The following PTBP2 variants were observed in gnomAD, a reference collection of about 807,000 sequenced individuals.
PTBP2 encodes polypyrimidine tract binding protein 2.
Under a neutral mutation model 61.4 loss-of-function variants are expected in PTBP2, and 13 were observed. The observed-to-expected ratio is 0.21, with a 90% CI of 0.14 to 0.34. The LOEUF (loss-of-function observed/expected upper bound fraction) is 0.34, where lower values mean the gene tolerates loss of function less well. PTBP2 is among the 10% of genes least tolerant of loss of function. The pLI, the probability that PTBP2 is intolerant of heterozygous loss-of-function variation, is 1.00. For missense variants in PTBP2, 405 were observed against 642.6 expected, an observed-to-expected ratio of 0.63 and a Z score of 4.00; for synonymous variants, 215 against 218.5, an observed-to-expected ratio of 0.98 and a Z score of 0.14.
Position 96,777,596 on chromosome 1 carries a change from A to T in PTBP2, c.444A>T (p.Ala148=). ...ATCTTAATTTCCAGCGTGCTCAGGCAGTTCTTCAAGCTGTGACAGCTGTCC... is the reference window on the plus strand; with the variant it reads ...ATCTTAATTTCCAGCGTGCTCAGGCTGTTCTTCAAGCTGTGACAGCTGTCC... ...TDNTLNQRAQ[A]VLQAVTAVQT... Residue 148 remains alanine (A), a synonymous_variant, in exon 6 of 14, where the codon GCA becomes GCT. Coordinates refer to ENST00000674951, the MANE Select transcript of PTBP2 (RefSeq NM_021190.4). 6.2e-7 allele frequency: 1 copy of T among 1,607,266 alleles called. No individual in the cohort carries two copies. Among genetic ancestry groups the T allele is most frequent in the African/African-American group, 1.3e-5 (1 of 74,648 alleles).
chr1:96,820,512 A>G lies in PTBP2; in HGVS notation c.*7107A>G, dbSNP rs555082427. On this transcript the variant is annotated 3_prime_UTR_variant, in exon 14 of 14. Coordinates refer to the PTBP2 transcript ENST00000609116. The stretch of plus-strand genomic sequence containing the variant: ...CAACTGAACCAGCTGTGTAAGAAAT[A>G]TATATATGGTGTGCACACATGTACA... 2.6e-5 allele frequency: 4 copies of G among 151,404 alleles called. No homozygotes were observed. In the East Asian group the frequency reaches 7.7e-4, roughly 29 times the overall value. 9.4% of individuals were successfully genotyped at this position (151,404 alleles called of 1,614,324 possible).
chr1:96,784,240 G>A (rs17115733), intron 7 of PTBP2, among the ~76,000 whole-genome samples: 12,094 of 151,996 alleles, frequency 0.08, 612 homozygotes, highest in East Asian at 0.17. Flanking sequence ...CGGTAACATA[G>A]TCCTTTATAA....
intron 2 of PTBP2, among the ~76,000 whole-genome samples, chr1:96,737,416 C>T (rs553034421): frequency 4.0e-5 from 6 of 151,520 alleles, no homozygotes; most frequent in South Asian, 2.1e-4. Flanking sequence ...AGAGATAGAA[C>T]GCAAATAATT....
intron 2 of PTBP2, among the ~76,000 whole-genome samples, chr1:96,735,201 A>G (rs1176771298): frequency 3.9e-5 from 6 of 152,142 alleles, no homozygotes. Context: ...TATAGGCATG[A>G]GCCACTGTGC....
intron 2 of PTBP2, among the ~76,000 whole-genome samples, chr1:96,743,842 A>G (rs767291657): frequency 4.6e-5 from 7 of 152,156 alleles, no homozygotes; most frequent in Non-Finnish European, 5.9e-5. Flanking sequence ...AAAGAGAACA[A>G]TGCTAAGCAG....
intron 7 of PTBP2, among the ~76,000 whole-genome samples, chr1:96,783,154 A>G (rs560127423): frequency 6.6e-6 from 1 of 152,046 alleles, no homozygotes; most frequent in South Asian, 2.1e-4. Context: ...GTGAGCTTGC[A>G]TATATTTTTT....
chr1:96,819,010 A>G (rs1297392036), downstream of PTBP2: 1 of 152,044 alleles, frequency 6.6e-6, no homozygotes, highest in Non-Finnish European at 1.5e-5. Flanking sequence ...GATAGCTTAT[A>G]ATAGAAATCA....
intron 10 of PTBP2, 41 bp from the exon 11 acceptor site, chr1:96,806,825 T>C: frequency 2.0e-6 from 3 of 1,475,822 alleles, no homozygotes; most frequent in Non-Finnish European, 2.8e-6. Flanking sequence ...CACATAAAAT[T>C]AATTCCATTT....
Position 96,813,508 on chromosome 1 carries a change from G to C in PTBP2, c.*103G>C, listed in dbSNP as rs750755238. ...CCAGAGTTTGATTTTTTTTGTTTTT[G>C]TTTTTTTGGGGTTTCTTTTTTTTTT... is the stretch of plus-strand genomic sequence containing the variant. On this transcript the variant is annotated 3_prime_UTR_variant, in exon 14 of 14. Transcript: ENST00000674951. The C allele has an allele frequency of 1.4e-5, 16 of 1,169,768 alleles. No homozygotes were observed. Among genetic ancestry groups the C allele is most frequent in the Non-Finnish European group, 1.8e-5 (16 of 878,610 alleles). The allele number at this position is 1,169,768 out of a possible 1,614,324, so 72.5% of individuals were successfully genotyped here.
chr1:96,789,901 TACA>T (rs1659603238), intron 8 of PTBP2, among the ~76,000 whole-genome samples: 1 of 152,152 alleles, frequency 6.6e-6, no homozygotes, highest in Admixed American at 6.5e-5. Context: ...ATATGATTAT[TACA>T]CTTACCAGAA....
At chr1:96,762,739 A>G (rs1570841523) in intron 3 of PTBP2, among the ~76,000 whole-genome samples, 1 of 150,102 alleles carries the variant, frequency 6.7e-6, no homozygotes, top group African/African-American at 2.5e-5. Flanking sequence ...CCTCCCTCCC[A>G]GACGGGGTGA....
At chr1:96,818,739 T>A (rs771054459), downstream of PTBP2, 7 of 152,124 alleles carry the variant, frequency 4.6e-5, no homozygotes, top group Non-Finnish European at 8.8e-5. Flanking sequence ...ATTTCATTAG[T>A]AATTTTAAGT....
Position 96,751,509 on chromosome 1 carries a change from T to TA in PTBP2, c.115+10dup, listed in dbSNP as rs780620836. The TA allele has an allele frequency of 1.3e-5, 21 of 1,602,910 alleles. No individual in the cohort carries two copies. The highest frequency in any genetic ancestry group is 5.4e-5 in the African/African-American group (4 of 74,646). On this transcript the variant is annotated intron_variant, in intron 3 of 13. Transcript: ENST00000674951. ...CAGCATGGTAGTTACAGGTAAGTGT[T>TA]ACTCTCTTAGCAGTCTGTCATTTGC...
chr1:96,739,618 GTTTTT>G (rs772410191), intron 2 of PTBP2, among the ~76,000 whole-genome samples: 7 of 83,802 alleles, frequency 8.4e-5, no homozygotes, highest in South Asian at 4.0e-4. Context: ...ACTGGTGTGT[GTTTTT>G]TTTTTTTTTT....
chr1:96,781,497 C>T (rs1277239582), intron 7 of PTBP2, among the ~76,000 whole-genome samples: 2 of 151,964 alleles, frequency 1.3e-5, no homozygotes, highest in African/African-American at 4.8e-5. Context: ...TGTATTTTCT[C>T]TGATGTCTCG....
downstream of PTBP2, chr1:96,815,282 T>C (rs1311841192): frequency 6.6e-6 from 1 of 152,132 alleles, no homozygotes; most frequent in East Asian, 1.9e-4. Context: ...CTTTCATCTT[T>C]TGTGTCTGCT....
chr1:96,761,346 ATGTGTGTGTG>A lies in PTBP2; in HGVS notation c.116-8323_116-8314del, dbSNP rs57451223. Among the ~76,000 whole-genome samples the A allele has an allele frequency of 6.0e-3, 850 of 140,518 alleles. 6 individuals carry two copies. The highest frequency in any genetic ancestry group is 0.018 in the African/African-American group (684 of 37,954). The allele number at this position is 140,518 out of a possible 152,430, so 92.2% of individuals were successfully genotyped here. A position where few individuals can be genotyped will look rare whatever the true frequency, so the allele number is the denominator to read the frequency against. ...AGCAGGGGCCTAGATGTGGGATTTG[ATGTGTGTGTG>A]TGTGTGTGTGTGTGTGTGTGTGTGT... is the stretch of plus-strand genomic sequence containing the variant. On this transcript the variant is annotated intron_variant, in intron 3 of 13. Transcript: ENST00000674951.
intron 5 of PTBP2, among the ~76,000 whole-genome samples, chr1:96,771,870 A>G (rs1212653192): frequency 6.6e-6 from 1 of 152,206 alleles, no homozygotes; most frequent in Non-Finnish European, 1.5e-5. Flanking sequence ...TATGGTAAGA[A>G]CATTTAAAAT....
chr1:96,796,677 T>C (rs1217820954), intron 8 of PTBP2, among the ~76,000 whole-genome samples: 1 of 152,194 alleles, frequency 6.6e-6, no homozygotes, highest in Non-Finnish European at 1.5e-5. Context: ...AATGTAAGAC[T>C]GGATTTATCT....
Sources: allele counts gnomAD v4.1 joint callset (sites outside exome capture counted in the v4.1 genomes callset), GRCh38; gene constraint gnomAD v4.1.1; transcripts MANE v1.5; gene names NCBI Gene and HGNC (gene_info 2026-07-23, HGNC 2026-07-21).